The following SLC24A2 variants were observed in gnomAD, a reference collection of about 807,000 sequenced individuals.
The protein encoded by SLC24A2 is solute carrier family 24 member 2.
A neutral mutation model predicts 62.0 loss-of-function variants in SLC24A2; 36 were observed. That is an observed-to-expected ratio of 0.58 (90% CI 0.44 to 0.77). The LOEUF is 0.77. Ranked by LOEUF, SLC24A2 falls within the 30% of genes least tolerant of loss-of-function variation. The pLI, the probability that SLC24A2 is intolerant of heterozygous loss-of-function variation, is 0.00. For synonymous variants in SLC24A2, 358 were observed against 294.0 expected (o/e 1.22, Z -2.23); for missense variants, 846 against 817.9 (o/e 1.03, Z -0.42).
chr9:19,642,892 A>G lies in SLC24A2; in HGVS notation c.931-20593T>C, dbSNP rs1587084248. 2.7e-5 allele frequency among the ~76,000 whole-genome samples: 4 copies of G among 150,326 alleles called. No homozygotes were observed. In the South Asian group the frequency reaches 8.4e-4, roughly 31 times the overall value. On this transcript the variant is annotated intron_variant, in intron 2 of 10. Transcript: ENST00000341998. ...AGACGGGGTTTCACCGTGTTAGCCA[A>G]GATGGTCTCGATCTCCTGACCTCGT... is the stretch of plus-strand genomic sequence containing the variant.
chr9:20,175,916 A>G, the SLC24A2 span, among the ~76,000 whole-genome samples: 5 of 152,020 alleles, frequency 3.3e-5, no homozygotes, highest in Admixed American at 3.3e-4. Context: ...TGTGGGTTAG[A>G]GAAATACTAA....
At position 19,622,417 on chromosome 9, in the gene SLC24A2, T is replaced by C. The variant is rs1454884627; in HGVS notation, c.931-118A>G. ...TAGGGGAAGATTTCATTCTTTCTGC[T>C]CCTGGGATGAGTTAAGCCAAAACAG... On this transcript the variant is annotated intron_variant, in intron 2 of 10. Coordinates refer to ENST00000341998, the MANE Select transcript of SLC24A2 (RefSeq NM_020344.4). The C allele has an allele frequency of 8.6e-5, 93 of 1,082,348 alleles. No homozygotes were observed. In the South Asian group the frequency reaches 1.1e-3, roughly 13 times the overall value. The allele number at this position is 1,082,348 out of a possible 1,614,324, so 67.0% of individuals were successfully genotyped here. A position where few individuals can be genotyped will look rare whatever the true frequency, so the allele number is the denominator to read the frequency against.
chr9:20,202,937 AT>A, the SLC24A2 span, among the ~76,000 whole-genome samples: 2 of 152,228 alleles, frequency 1.3e-5, no homozygotes, highest in Non-Finnish European at 2.9e-5. Flanking sequence ...AATGTGTTAA[AT>A]ACTAAATTTT....
chr9:20,035,957 C>T, the SLC24A2 span, among the ~76,000 whole-genome samples: 1 of 151,560 alleles, frequency 6.6e-6, no homozygotes, highest in Non-Finnish European at 1.5e-5. Context: ...GGATAGGAGT[C>T]CTAAGGAAGA....
At chr9:20,258,031 T>C in the SLC24A2 span, among the ~76,000 whole-genome samples, 1 of 152,140 alleles carries the variant, frequency 6.6e-6, no homozygotes, top group African/African-American at 2.4e-5. Context: ...CCTTAAAACC[T>C]TTTTGCATTA....
intron 8 of SLC24A2, among the ~76,000 whole-genome samples, chr9:19,529,542 A>G: frequency 6.6e-6 from 1 of 152,154 alleles, no homozygotes; most frequent in Non-Finnish European, 1.5e-5. Context: ...TGTAAGACCA[A>G]GCAGGTTTGA....
chr9:19,862,095 G>A, the SLC24A2 span, among the ~76,000 whole-genome samples: 2 of 152,016 alleles, frequency 1.3e-5, no homozygotes, highest in Non-Finnish European at 2.9e-5. Context: ...GTACAGGAAG[G>A]CAACAGAACA....
the SLC24A2 span, among the ~76,000 whole-genome samples, chr9:20,113,533 T>G: frequency 6.6e-6 from 1 of 152,246 alleles, no homozygotes; most frequent in Non-Finnish European, 1.5e-5. Context: ...TCACTAGTTT[T>G]TAACTGAAAT....
Position 19,545,925 on chromosome 9 carries a change from C to T in SLC24A2, c.1479+4212G>A, listed in dbSNP as rs925386105. Among the ~76,000 whole-genome samples the T allele has an allele frequency of 2.6e-5, 4 of 152,250 alleles. No homozygotes were observed. In the East Asian group the frequency reaches 5.8e-4, roughly 22 times the overall value. On this transcript the variant is annotated intron_variant, in intron 8 of 10. Transcript: ENST00000341998. ...GTGCTGGGATTACAGCCGTGAGCCA[C>T]TGCACCTGGCCTAGTTTTCCTTCTA...
chr9:20,146,685 A>G, the SLC24A2 span, among the ~76,000 whole-genome samples: 2 of 152,038 alleles, frequency 1.3e-5, no homozygotes, highest in South Asian at 4.2e-4. Context: ...GGGCCTGCTG[A>G]AAGACACCCT....
the SLC24A2 span, among the ~76,000 whole-genome samples, chr9:20,227,789 T>C: frequency 3.9e-5 from 6 of 152,102 alleles, no homozygotes; most frequent in African/African-American, 7.2e-5. Context: ...ATTGGGATAA[T>C]TGCCACCAAC....
At chr9:19,525,357 C>G (rs1034681433) in intron 9 of SLC24A2, among the ~76,000 whole-genome samples, 3 of 134,606 alleles carry the variant, frequency 2.2e-5, no homozygotes, top group Non-Finnish European at 4.7e-5. Context: ...AAAAAGTGTA[C>G]AGTTCTGCAA....
chr9:19,555,944 A>G (rs541701437), intron 7 of SLC24A2, among the ~76,000 whole-genome samples: 10 of 152,058 alleles, frequency 6.6e-5, no homozygotes, highest in Admixed American at 3.3e-4. Context: ...CATCTTGGGG[A>G]AAAAAAAGAC....
At chr9:20,007,879 CTTTTTTTTTTTTTTTTTTTTTT>C in the SLC24A2 span, among the ~76,000 whole-genome samples, 9 of 39,510 alleles carry the variant, frequency 2.3e-4, no homozygotes, top group African/African-American at 4.5e-4. Context: ...TTACTCCTCT[CTTTTTTTTTTTTTTTTTTTTTT>C]TTTTTTTTTT....
the SLC24A2 span, among the ~76,000 whole-genome samples, chr9:20,052,381 C>T: frequency 1.3e-5 from 2 of 152,216 alleles, no homozygotes; most frequent in Admixed American, 6.5e-5. Context: ...TGTCTCTGCA[C>T]TGGCTGTAAC....
intron 7 of SLC24A2, among the ~76,000 whole-genome samples, chr9:19,561,704 A>G (rs1260801815): frequency 6.6e-6 from 1 of 152,170 alleles, no homozygotes; most frequent in African/African-American, 2.4e-5. Context: ...TGCTGGGATT[A>G]CAGGCGTGAG....
chr9:20,054,340 C>T, the SLC24A2 span, among the ~76,000 whole-genome samples: 14 of 151,980 alleles, frequency 9.2e-5, no homozygotes, highest in African/African-American at 9.7e-5. Context: ...TGCAGGCACC[C>T]GCCACCACAC....
the SLC24A2 span, among the ~76,000 whole-genome samples, chr9:19,891,250 A>G: frequency 6.6e-6 from 1 of 152,184 alleles, no homozygotes; most frequent in South Asian, 2.1e-4. Context: ...GCCACAGAAA[A>G]TATTTTAGAG....
At chr9:20,278,510 T>C in the SLC24A2 span, among the ~76,000 whole-genome samples, 1 of 152,340 alleles carries the variant, frequency 6.6e-6, no homozygotes, top group Middle Eastern at 3.4e-3. Flanking sequence ...AATATGCCAC[T>C]AGTCTCTTTG....
Sources: gnomAD v4.1 joint callset for allele counts (sites outside exome capture counted in the v4.1 genomes callset) on GRCh38, gnomAD v4.1.1 for gene constraint, MANE v1.5 for transcripts, NCBI Gene and HGNC (gene_info 2026-07-23, HGNC 2026-07-21) for gene names.